Variants in CNTN6 observed in about 807,000 individuals in gnomAD.
The protein encoded by CNTN6 is contactin-6.
Under a neutral mutation model 122.8 loss-of-function variants are expected in CNTN6, and 137 were observed. That is an observed-to-expected ratio of 1.12 (90% CI 0.97 to 1.29). The LOEUF is 1.29. Among genes scored for constraint, CNTN6 ranks in the 50% most tolerant of loss-of-function variants. The pLI is 0.00. For missense variants in CNTN6, 1,634 were observed against 1,223.4 expected, an observed-to-expected ratio of 1.34 and a Z score of -5.01; for synonymous variants, 570 against 426.0, an observed-to-expected ratio of 1.34 and a Z score of -4.16.
chr3:1,388,003 C>A (rs1269363934), intron 20 of CNTN6, among the ~76,000 whole-genome samples: 2 of 152,140 alleles, frequency 1.3e-5, no homozygotes, highest in East Asian at 3.9e-4. Flanking sequence ...CCGCCATTGG[C>A]CAGGCTTGAT....
intron 2 of CNTN6, among the ~76,000 whole-genome samples, chr3:1,201,188 G>A (rs963222876): frequency 4.6e-5 from 7 of 150,912 alleles, no homozygotes; most frequent in African/African-American, 1.7e-4. Flanking sequence ...GCCCAGGCTG[G>A]TCTCAAACTC....
intron 4 of CNTN6, among the ~76,000 whole-genome samples, chr3:1,267,591 T>C (rs956202132): frequency 1.3e-5 from 2 of 152,274 alleles, no homozygotes; most frequent in South Asian, 2.1e-4. Context: ...ACACTTGATA[T>C]TGGAGAAAAA....
chr3:1,204,163 A>G (rs1269563528), intron 2 of CNTN6, among the ~76,000 whole-genome samples: 4 of 152,194 alleles, frequency 2.6e-5, no homozygotes, highest in African/African-American at 9.7e-5. Context: ...TAGTATATAT[A>G]GAGAGAGCCA....
chr3:1,271,258 G>C (rs780068671), intron 4 of CNTN6, among the ~76,000 whole-genome samples: 1 of 152,124 alleles, frequency 6.6e-6, no homozygotes, highest in Non-Finnish European at 1.5e-5. Flanking sequence ...TCAATTTCTG[G>C]TGTGACAGCA....
chr3:1,231,908 A>T (rs996676793), intron 4 of CNTN6, among the ~76,000 whole-genome samples: 1 of 152,172 alleles, frequency 6.6e-6, no homozygotes, highest in Non-Finnish European at 1.5e-5. Flanking sequence ...TGACTTCCAA[A>T]ATCACTTGTA....
At chr3:1,309,926 T>A (rs1698967650) in intron 7 of CNTN6, among the ~76,000 whole-genome samples, 1 of 152,196 alleles carries the variant, frequency 6.6e-6, no homozygotes, top group Non-Finnish European at 1.5e-5. Context: ...GAATTCAAAT[T>A]CCATTTGTTA....
intron 17 of CNTN6, among the ~76,000 whole-genome samples, chr3:1,378,851 T>G (rs548732727): frequency 1.3e-3 from 202 of 152,142 alleles, no homozygotes; most frequent in Non-Finnish European, 2.6e-3. Flanking sequence ...TGGCTGAGGG[T>G]GGGCCTGAGT....
chr3:1,321,918 A>G, intron 8 of CNTN6, 84 bp downstream of exon 8: 2 of 1,195,672 alleles, frequency 1.7e-6, no homozygotes, highest in Middle Eastern at 2.4e-4. Context: ...GCATGTTGTG[A>G]AAAAGTGTCA....
At chr3:1,245,280 C>CATATATATATATA (rs2094559297) in intron 4 of CNTN6, among the ~76,000 whole-genome samples, 1 of 4,952 alleles carries the variant, frequency 2.0e-4, no homozygotes, top group Non-Finnish European at 3.5e-4. Flanking sequence ...TATATACACA[C>CATATATATATATA]ACATATATAT....
intron 11 of CNTN6, among the ~76,000 whole-genome samples, chr3:1,349,453 G>T (rs529974702): frequency 1.3e-5 from 2 of 151,478 alleles, no homozygotes; most frequent in African/African-American, 4.8e-5. Flanking sequence ...ATATTTTAAT[G>T]TCGTTCATTG....
chr3:1,294,937 TCA>T (rs1695957195), intron 5 of CNTN6, among the ~76,000 whole-genome samples: 1 of 152,142 alleles, frequency 6.6e-6, no homozygotes, highest in South Asian at 2.1e-4. Context: ...CCTAAAACTG[TCA>T]CAGAATAGCT....
intron 2 of CNTN6, among the ~76,000 whole-genome samples, chr3:1,189,484 T>C (rs1456571186): frequency 6.6e-6 from 1 of 152,230 alleles, no homozygotes; most frequent in Non-Finnish European, 1.5e-5. Context: ...TTTAAAAGTT[T>C]GTCCAATTCC....
chr3:1,112,158 T>C (rs2091511115), intron 1 of CNTN6, among the ~76,000 whole-genome samples: 1 of 152,178 alleles, frequency 6.6e-6, no homozygotes, highest in African/African-American at 2.4e-5. Context: ...ATTAACCACC[T>C]GTTACTTCTC....
At position 1,197,922 on chromosome 3, in the gene CNTN6, A is replaced by C. The variant is rs183009324; in HGVS notation, c.56-22765A>C. On this transcript the variant is annotated intron_variant, in intron 2 of 22. Transcript: ENST00000446702. ...CTATCCCCCCTAACTCATGCAAAGAAACAATGAACGTTTCCAATACTTCAC... is the reference window on the plus strand; with the variant it reads ...CTATCCCCCCTAACTCATGCAAAGACACAATGAACGTTTCCAATACTTCAC... 3.0e-3 allele frequency among the ~76,000 whole-genome samples: 450 copies of C among 152,330 alleles called. 5 individuals carry two copies. The highest frequency in any genetic ancestry group is 0.011 in the African/African-American group (437 of 41,576).
chr3:1,292,901 T>TCA (rs139871808), intron 5 of CNTN6, among the ~76,000 whole-genome samples: 7,620 of 151,222 alleles, frequency 0.05, 238 homozygotes, highest in South Asian at 0.067. Flanking sequence ...CATAAACATA[T>TCA]CACACACACA....
At chr3:1,349,028 G>T (rs980650451) in intron 11 of CNTN6, among the ~76,000 whole-genome samples, 2 of 151,854 alleles carry the variant, frequency 1.3e-5, no homozygotes, top group African/African-American at 2.4e-5. Context: ...CTAACATACC[G>T]TTTCAAACAC....
At chr3:1,103,844 G>A (rs2091078581) in intron 1 of CNTN6, among the ~76,000 whole-genome samples, 1 of 152,074 alleles carries the variant, frequency 6.6e-6, no homozygotes, top group African/African-American at 2.4e-5. Flanking sequence ...CAAAAATAAT[G>A]TTAGTCTTTG....
At chr3:1,403,194 G>A (rs1695950414) in intron 22 of CNTN6, 124 bp from the exon 23 acceptor site, 1 of 600,596 alleles carries the variant, frequency 1.7e-6, no homozygotes, top group African/African-American at 1.9e-5. Flanking sequence ...ATGTGAATGA[G>A]ACAAGTATAA....
intron 20 of CNTN6, among the ~76,000 whole-genome samples, chr3:1,388,244 G>A (rs1359537439): frequency 2.0e-5 from 3 of 149,226 alleles, no homozygotes; most frequent in African/African-American, 4.9e-5. Context: ...CCTCAAGTGG[G>A]TCCCTGACCC....
Sources: gnomAD v4.1 joint callset for allele counts (sites outside exome capture counted in the v4.1 genomes callset) on GRCh38, gnomAD v4.1.1 for gene constraint, MANE v1.5 for transcripts, NCBI Gene and HGNC (gene_info 2026-07-23, HGNC 2026-07-21) for gene names.